The following TRAPPC9 variants were observed in gnomAD, a reference collection of about 807,000 sequenced individuals.
TRAPPC9 encodes IKK2 binding protein.
TRAPPC9 carries 83 observed loss-of-function variants against 124.0 expected under a neutral mutation model. The observed-to-expected ratio is 0.67, with a 90% CI of 0.56 to 0.80. The LOEUF (loss-of-function observed/expected upper bound fraction) is 0.80. Ranked by LOEUF, TRAPPC9 falls within the 30% of genes least tolerant of loss-of-function variation. The probability of loss-of-function intolerance (pLI) is 0.00; values close to 1 mark genes in which losing one functional copy is unlikely to be tolerated. For missense variants in TRAPPC9, 1,302 were observed against 1,508.3 expected, an observed-to-expected ratio of 0.86 and a Z score of 2.27; for synonymous variants, 638 against 617.5, an observed-to-expected ratio of 1.03 and a Z score of -0.49.
At position 139,917,096 on chromosome 8, in the gene TRAPPC9, G is replaced by A. The variant is rs150995434; in HGVS notation, c.2811-6796C>T. Among the ~76,000 whole-genome samples, 510 of 150,626 alleles carry A rather than the reference G, an allele frequency of 3.4e-3. 2 individuals carry two copies. The highest frequency in any genetic ancestry group is 0.011 in the African/African-American group (459 of 40,938). On this transcript the variant is annotated intron_variant, in intron 19 of 22. Coordinates refer to ENST00000438773, the MANE Select transcript of TRAPPC9 (RefSeq NM_001160372.4). ...GACGTATGGATCACGCCCTGAGAGAGGATCATTTTATCCTTCAGCCTCCTA... is the reference window on the plus strand; with the variant it reads ...GACGTATGGATCACGCCCTGAGAGAAGATCATTTTATCCTTCAGCCTCCTA...
At chr8:140,068,417 C>T (rs910116142) in intron 17 of TRAPPC9, among the ~76,000 whole-genome samples, 1 of 152,082 alleles carries the variant, frequency 6.6e-6, no homozygotes, top group Admixed American at 6.5e-5. Flanking sequence ...ACAGTCACCT[C>T]GCATCAGGGC....
chr8:139,787,142 C>T (rs559352262), intron 21 of TRAPPC9, among the ~76,000 whole-genome samples: 1 of 152,214 alleles, frequency 6.6e-6, no homozygotes, highest in Non-Finnish European at 1.5e-5. Flanking sequence ...CCTTGCCTTT[C>T]TTATGAAAAC....
chr8:139,945,229 G>A (rs774562286), intron 19 of TRAPPC9, among the ~76,000 whole-genome samples: 38 of 152,148 alleles, frequency 2.5e-4, no homozygotes, highest in Non-Finnish European at 4.4e-4. Flanking sequence ...GAAAACTTAT[G>A]CAGGTTTGGA....
At chr8:140,119,680 G>A (rs1412699520) in intron 17 of TRAPPC9, among the ~76,000 whole-genome samples, 2 of 152,196 alleles carry the variant, frequency 1.3e-5, no homozygotes, top group African/African-American at 4.8e-5. Context: ...GGTAAGAAGA[G>A]GTCACGCAAT....
chr8:140,397,724 C>CA lies in TRAPPC9; in HGVS notation c.1029dup (p.Glu344Ter). 1 of 1,614,156 alleles carries CA rather than the reference C, an allele frequency of 6.2e-7. No individual in the cohort carries two copies. The highest frequency in any genetic ancestry group is 8.5e-7 in the Non-Finnish European group (1 of 1,180,020). ...ACAGCCTTGATGCACGCTTCCAACT[C>CA]AATCACTCCCGCATTCTTATACTGC... On this transcript the variant is annotated frameshift_variant, in exon 7 of 23. Transcript: ENST00000438773. LOFTEE classifies it high-confidence loss of function.
At chr8:139,738,913 G>A (rs1818378914) in intron 21 of TRAPPC9, among the ~76,000 whole-genome samples, 1 of 152,150 alleles carries the variant, frequency 6.6e-6, no homozygotes, top group South Asian at 2.1e-4. Flanking sequence ...CTTCCTCTCA[G>A]GGATGTGGAG....
chr8:139,752,966 A>C (rs1270714551), intron 21 of TRAPPC9, among the ~76,000 whole-genome samples: 1 of 147,284 alleles, frequency 6.8e-6, no homozygotes, highest in Non-Finnish European at 1.5e-5. Flanking sequence ...CCATCAATCC[A>C]AAATCTACCC....
At chr8:140,157,840 C>T (rs927087211) in intron 17 of TRAPPC9, among the ~76,000 whole-genome samples, 5 of 152,134 alleles carry the variant, frequency 3.3e-5, no homozygotes, top group Non-Finnish European at 5.9e-5. Context: ...GGTGTATATT[C>T]TTCTAGACAT....
intron 18 of TRAPPC9, among the ~76,000 whole-genome samples, chr8:140,019,452 A>AT (rs1468729943): frequency 6.7e-6 from 1 of 150,046 alleles, no homozygotes; most frequent in Non-Finnish European, 1.5e-5. Context: ...TTGTGAGAAG[A>AT]TTTTAATTAA....
Position 140,058,416 on chromosome 8 carries a change from C to A in TRAPPC9, c.2557-34337G>T, listed in dbSNP as rs573565895. Among the ~76,000 whole-genome samples, 6 of 150,820 alleles carry A rather than the reference C, an allele frequency of 4.0e-5. No homozygotes were observed. The South Asian group carries it at 1.2e-3, about 31-fold the overall frequency. ...GCCCTCACCTCTTCCAGCCCCATGA[C>A]TCTATGAACTGTCCTCAACTATTCA... On this transcript the variant is annotated intron_variant, in intron 17 of 22. Coordinates refer to ENST00000438773, the MANE Select transcript of TRAPPC9 (RefSeq NM_001160372.4).
intron 19 of TRAPPC9, among the ~76,000 whole-genome samples, chr8:139,946,031 CT>C (rs1420522886): frequency 1.3e-5 from 2 of 152,188 alleles, no homozygotes; most frequent in Admixed American, 6.5e-5. Context: ...TAAAAATCAA[CT>C]CATTTTCTGA....
chr8:140,125,200 G>C (rs953609550), intron 17 of TRAPPC9, among the ~76,000 whole-genome samples: 1 of 152,196 alleles, frequency 6.6e-6, no homozygotes, highest in Non-Finnish European at 1.5e-5. Flanking sequence ...TCGGGGGCGG[G>C]ACACGGCCTC....
chr8:139,948,943 G>A (rs528245808), intron 19 of TRAPPC9, among the ~76,000 whole-genome samples: 1 of 152,168 alleles, frequency 6.6e-6, no homozygotes, highest in South Asian at 2.1e-4. Context: ...TAGTGTGGTG[G>A]GCGCCTGTAA....
chr8:140,287,077 C>T (rs1238983828), intron 13 of TRAPPC9, among the ~76,000 whole-genome samples: 1 of 151,998 alleles, frequency 6.6e-6, no homozygotes, highest in African/African-American at 2.4e-5. Flanking sequence ...AGGGTAGGCT[C>T]GCAGCAGCCA....
intron 17 of TRAPPC9, among the ~76,000 whole-genome samples, chr8:140,154,417 G>A (rs1249626145): frequency 6.6e-6 from 1 of 152,104 alleles, no homozygotes; most frequent in African/African-American, 2.4e-5. Context: ...TCCAGCAGCT[G>A]GGGTGCAAAT....
intron 15 of TRAPPC9, chr8:140,262,457 G>C (rs1456531810): frequency 6.6e-6 from 1 of 151,440 alleles, no homozygotes; most frequent in African/African-American, 2.5e-5. Flanking sequence ...AACTTCTCCA[G>C]CGTGACCCTA....
rs528143073 is a variant in TRAPPC9 at position 139,981,975 on chromosome 8, G to A, written c.2810+6751C>T. Among the ~76,000 whole-genome samples, 7 of 152,328 alleles carry A rather than the reference G, an allele frequency of 4.6e-5. No individual in the cohort carries two copies. In the South Asian group the frequency reaches 1.5e-3, roughly 32 times the overall value. On this transcript the variant is annotated intron_variant, in intron 19 of 22. Transcript: ENST00000438773. ...TGCGGTGTCCCTGCAGCAAGCGAGG[G>A]GGACAGAGCCGGGCATCTTAAAGCA...
chr8:140,170,606 G>A (rs1255717941), intron 17 of TRAPPC9, among the ~76,000 whole-genome samples: 1 of 152,202 alleles, frequency 6.6e-6, no homozygotes, highest in African/African-American at 2.4e-5. Flanking sequence ...ATGAGCTACA[G>A]AGACTCAAGG....
At chr8:140,440,609 C>T (rs190873554) in intron 2 of TRAPPC9, among the ~76,000 whole-genome samples, 37 of 152,272 alleles carry the variant, frequency 2.4e-4, no homozygotes, top group Middle Eastern at 6.8e-3. Flanking sequence ...CCTGCACCCC[C>T]TTCCCCTTCA....
Sources: allele counts gnomAD v4.1 joint callset (sites outside exome capture counted in the v4.1 genomes callset), GRCh38; gene constraint gnomAD v4.1.1; transcripts MANE v1.5; gene names NCBI Gene and HGNC (gene_info 2026-07-23, HGNC 2026-07-21).